STMN3: variants seen among roughly 807,000 people sequenced by gnomAD.
STMN3 encodes stathmin-3.
A neutral mutation model predicts 23.2 loss-of-function variants in STMN3; 24 were observed. The ratio of observed to expected loss-of-function variants is 1.03; its 90% CI spans 0.75 to 1.45. The LOEUF is 1.45. STMN3 is among the 40% of genes most tolerant of loss of function. The probability of loss-of-function intolerance (pLI) is 0.00; values close to 1 mark genes in which losing one functional copy is unlikely to be tolerated. For synonymous variants in STMN3, 117 were observed against 103.4 expected (o/e 1.13, Z -0.80); for missense variants, 235 against 237.6 (o/e 0.99, Z 0.07).
chr20:63,652,873 G>A lies in STMN3; in HGVS notation c.19+454C>T. Reference sequence around the variant, plus strand: ...GTGCTGCACTGGCGCGGGGAGCGCCGGGTTCCCGGCTGGGGCTTTGGCAGA... The same window carrying A: ...GTGCTGCACTGGCGCGGGGAGCGCCAGGTTCCCGGCTGGGGCTTTGGCAGA... On this transcript the variant is annotated intron_variant, in intron 1 of 4. Coordinates refer to ENST00000370053, the MANE Select transcript of STMN3 (RefSeq NM_015894.4). This position sits in a 1 kb window ranked among gnomAD's most constrained non-coding sequence, Gnocchi z 5.3. 1.2e-6 allele frequency: 1 copy of A among 852,370 alleles called. No individual in the cohort carries two copies. The highest frequency in any genetic ancestry group is 1.4e-6 in the Non-Finnish European group (1 of 708,460). The allele number at this position is 852,370 out of a possible 1,614,324, so 52.8% of individuals were successfully genotyped here. A position where few individuals can be genotyped will look rare whatever the true frequency, so the allele number is the denominator to read the frequency against.
intron 1 of STMN3, among the ~76,000 whole-genome samples, chr20:63,644,775 T>G (rs2089796513): frequency 6.6e-6 from 1 of 152,132 alleles, no homozygotes; most frequent in Non-Finnish European, 1.5e-5. Context: ...TTCAGAGAAC[T>G]CCCTCACCTT....
intron 1 of STMN3, among the ~76,000 whole-genome samples, chr20:63,646,513 C>G (rs1439115209): frequency 6.6e-6 from 1 of 151,834 alleles, no homozygotes; most frequent in Admixed American, 6.6e-5. Flanking sequence ...GCCACCACAC[C>G]CAGCTAATTT....
At chr20:63,644,729 A>T (rs1000567247) in intron 1 of STMN3, among the ~76,000 whole-genome samples, 1 of 152,148 alleles carries the variant, frequency 6.6e-6, no homozygotes, top group Non-Finnish European at 1.5e-5. Context: ...TTAGGCCATG[A>T]GGATAGAGCC....
chr20:63,641,203 G>A lies in STMN3; in HGVS notation c.*135C>T, dbSNP rs533703480. ...CGAGGACAGGGCAGGGCGGCTGAGT[G>A]CGGAAGAGAAGCATGAAGCTGGGGG... On this transcript the variant is annotated 3_prime_UTR_variant, in exon 5 of 5. Coordinates refer to ENST00000370053, the MANE Select transcript of STMN3 (RefSeq NM_015894.4). 4 of 794,310 alleles carry A rather than the reference G, an allele frequency of 5.0e-6. No homozygotes were observed. Among genetic ancestry groups the A allele is most frequent in the South Asian group, 4.4e-5 (3 of 68,512 alleles). The allele number at this position is 794,310 out of a possible 1,614,324, so 49.2% of individuals were successfully genotyped here.
intron 3 of STMN3, among the ~76,000 whole-genome samples, chr20:63,642,881 G>C (rs1178879978): frequency 6.6e-6 from 1 of 152,168 alleles, no homozygotes; most frequent in Non-Finnish European, 1.5e-5. Context: ...GTGAACCCTG[G>C]TCTCTGGCCT....
chr20:63,646,186 A>G (rs908461606), intron 1 of STMN3, among the ~76,000 whole-genome samples: 12 of 152,030 alleles, frequency 7.9e-5, no homozygotes, highest in African/African-American at 2.9e-4. Context: ...AGGAGCAGAA[A>G]GGAATCCCAG....
chr20:63,647,974 A>ATG (rs2089830369), intron 1 of STMN3, among the ~76,000 whole-genome samples: 1 of 76,340 alleles, frequency 1.3e-5, no homozygotes, highest in African/African-American at 5.8e-5. Flanking sequence ...ATATATATAT[A>ATG]TATATACATA....
intron 1 of STMN3, among the ~76,000 whole-genome samples, chr20:63,647,831 C>CGT (rs1569070049): frequency 8.8e-6 from 1 of 113,290 alleles, no homozygotes; most frequent in Non-Finnish European, 1.8e-5. Flanking sequence ...AATATATATA[C>CGT]GTATATATGT....
intron 1 of STMN3, among the ~76,000 whole-genome samples, 182 bp downstream of exon 1, chr20:63,653,145 C>G (rs2089873824): frequency 6.6e-6 from 1 of 151,396 alleles, no homozygotes; most frequent in Non-Finnish European, 1.5e-5. Flanking sequence ...CGCAGCCCAG[C>G]GCCCCACCAG....
Position 63,643,004 on chromosome 20 carries a change from G to A in STMN3, c.292-705C>T, listed in dbSNP as rs574849298. ...CAGTCTCAGAGGGGCTGGTGGGAGG[G>A]GAGGCTGCAGGGAGGGGACCTGGAG... On this transcript the variant is annotated intron_variant, in intron 3 of 4. Coordinates refer to ENST00000370053, the MANE Select transcript of STMN3 (RefSeq NM_015894.4). 3.3e-5 allele frequency among the ~76,000 whole-genome samples: 5 copies of A among 152,252 alleles called. No individual in the cohort carries two copies. The East Asian group carries it at 9.7e-4, about 29-fold the overall frequency.
In STMN3 at chr20:63,652,689, G is replaced by C; in HGVS notation, c.19+638C>G. The C allele has an allele frequency of 1.0e-6, 1 of 985,850 alleles. No homozygotes were observed. The highest frequency in any genetic ancestry group is 4.7e-5 in the South Asian group (1 of 21,302). 61.1% of individuals were successfully genotyped at this position (985,850 alleles called of 1,614,324 possible). On this transcript the variant is annotated intron_variant, in intron 1 of 4. Transcript: ENST00000370053. This position sits in a 1 kb window ranked among gnomAD's most constrained non-coding sequence, Gnocchi z 5.3. ...CCCTCCCCCATCCAGACCCCGCGGCGCAAAGGGCAGTGGCTTTTCTGGCCA... is the reference window on the plus strand; with the variant it reads ...CCCTCCCCCATCCAGACCCCGCGGCCCAAAGGGCAGTGGCTTTTCTGGCCA...
rs1006153531 is a variant in STMN3 at position 63,640,296 on chromosome 20, G to A, written c.*1042C>T. 6.5e-6 allele frequency: 1 copy of A among 152,744 alleles called. No homozygotes were observed. The highest frequency in any genetic ancestry group is 1.9e-4 in the East Asian group (1 of 5,256). 9.5% of individuals were successfully genotyped at this position (152,744 alleles called of 1,614,324 possible). A position where few individuals can be genotyped will look rare whatever the true frequency, so the allele number is the denominator to read the frequency against. ...AAAGAAGGAACTCAGCCCAGAGGGTGTGGGCAGGAGAGGCCTGGAGTCAGG... is the reference window on the plus strand; with the variant it reads ...AAAGAAGGAACTCAGCCCAGAGGGTATGGGCAGGAGAGGCCTGGAGTCAGG... On this transcript the variant is annotated 3_prime_UTR_variant, in exon 5 of 5. Transcript: ENST00000370053.
intron 1 of STMN3, among the ~76,000 whole-genome samples, chr20:63,651,333 G>A (rs1455310367): frequency 6.6e-6 from 1 of 152,200 alleles, no homozygotes; most frequent in East Asian, 1.9e-4. Context: ...AGTGCCGGGT[G>A]AGAGCCCAGT....
In STMN3 at chr20:63,647,434, A is replaced by G. The variant is rs1030995421; in HGVS notation, c.20-3125T>C. 9.7e-4 allele frequency among the ~76,000 whole-genome samples: 144 copies of G among 148,440 alleles called. 1 individual carries two copies. Among genetic ancestry groups the G allele is most frequent in the African/African-American group, 3.5e-3 (141 of 39,998 alleles). On this transcript the variant is annotated intron_variant, in intron 1 of 4. Coordinates refer to ENST00000370053, the MANE Select transcript of STMN3 (RefSeq NM_015894.4). ...GTTCGAGACCAGCCTGACCAACATG[A>G]TGAAACCCTGTCTCTACTAAAAATA...
At chr20:63,641,434 G>C (rs1395769966) in intron 4 of STMN3, 37 bp from the exon 5 acceptor site, 4 of 1,530,294 alleles carry the variant, frequency 2.6e-6, no homozygotes, top group Non-Finnish European at 1.8e-6. Context: ...GAGGGCGGGG[G>C]TGGCTTGGGG....
chr20:63,644,035 G>C, intron 2 of STMN3, 104 bp from the exon 3 acceptor site: 1 of 1,484,168 alleles, frequency 6.7e-7, no homozygotes, highest in South Asian at 1.2e-5. Context: ...CTGGGCGAGA[G>C]GGGGTGGCTG....
chr20:63,641,000 C>CAGCCCAGCGTA lies in STMN3; in HGVS notation c.*327_*337dup. On this transcript the variant is annotated 3_prime_UTR_variant, in exon 5 of 5. Coordinates refer to ENST00000370053, the MANE Select transcript of STMN3 (RefSeq NM_015894.4). ...CCCTGACCTGCACGTGCTGACCAGA[C>CAGCCCAGCGTA]AGCCCAGCGTAAGGACCCGTGATCC... The CAGCCCAGCGTA allele has an allele frequency of 4.8e-6, 2 of 416,652 alleles. No individual in the cohort carries two copies. Among genetic ancestry groups the CAGCCCAGCGTA allele is most frequent in the Non-Finnish European group, 9.1e-6 (2 of 219,684 alleles). 25.8% of individuals were successfully genotyped at this position (416,652 alleles called of 1,614,324 possible). A position where few individuals can be genotyped will look rare whatever the true frequency, so the allele number is the denominator to read the frequency against.
At chr20:63,641,428 G>T (rs1388998272) in intron 4 of STMN3, 31 bp from the exon 5 acceptor site, 1 of 1,545,398 alleles carries the variant, frequency 6.5e-7, no homozygotes, top group African/African-American at 1.4e-5. Context: ...GGGCCTGAGG[G>T]CGGGGGTGGC....
At chr20:63,644,331 G>A (rs41309935) in intron 1 of STMN3, 22 bp from the exon 2 acceptor site, 16,639 of 1,597,524 alleles carry the variant, frequency 0.01, 143 homozygotes, top group Admixed American at 0.036. Context: ...AGGCTGGGCT[G>A]AGCAAGCACC....
Sources: gnomAD v4.1 joint callset for allele counts (sites outside exome capture counted in the v4.1 genomes callset) on GRCh38, gnomAD v4.1.1 for gene constraint, Gnocchi (gnomAD v3.1) non-coding constraint, MANE v1.5 for transcripts, NCBI Gene and HGNC (gene_info 2026-07-23, HGNC 2026-07-21) for gene names.